CLDN15: variants seen among roughly 807,000 people sequenced by gnomAD.
The protein encoded by CLDN15 is claudin 15.
Under a neutral mutation model 24.5 loss-of-function variants are expected in CLDN15, and 9 were observed. The ratio of observed to expected loss-of-function variants is 0.37; its 90% CI spans 0.22 to 0.64. The LOEUF (loss-of-function observed/expected upper bound fraction) is 0.64. Among genes scored for constraint, CLDN15 ranks in the 30% least tolerant of loss-of-function variants. CLDN15 has a pLI of 0.63. For synonymous variants in CLDN15, 149 were observed against 131.4 expected, an observed-to-expected ratio of 1.13 and a Z score of -0.92; for missense variants, 248 against 305.9, an observed-to-expected ratio of 0.81 and a Z score of 1.41.
rs552485066 is a variant in CLDN15 at position 101,232,287 on chromosome 7, C to T, written c.*123G>A. On this transcript the variant is annotated 3_prime_UTR_variant, in exon 5 of 5. Coordinates refer to ENST00000308344, the MANE Select transcript of CLDN15 (RefSeq NM_014343.3). ...AGAGTGCAAGACACGGGGCCGTGGC[C>T]GGGGCGGGGCTACGGGAGCGGGGCG... 1.9e-4 allele frequency: 124 copies of T among 659,616 alleles called. No homozygotes were observed. The African/African-American group carries it at 2.0e-3, about 11-fold the overall frequency. The allele number at this position is 659,616 out of a possible 1,614,324, so 40.9% of individuals were successfully genotyped here. A position where few individuals can be genotyped will look rare whatever the true frequency, so the allele number is the denominator to read the frequency against.
Position 101,237,522 on chromosome 7 carries a change from C to T in CLDN15, c.60G>A (p.Leu20=). The part of the protein sequence containing the change: ...FFMATVGLLM[L]GVTLPNSYWR... ...AGTAGCTGTTTGGCAGAGTCACCCC[C>T]AGCATCAGCAGCCCCACAGTTGCCA... Residue 20 remains leucine (L), a synonymous_variant, in exon 1 of 5, where the codon CTG becomes CTA. Transcript: ENST00000308344. This position sits in a 1 kb window ranked among gnomAD's most constrained non-coding sequence, Gnocchi z 4.0. 6.2e-7 allele frequency: 1 copy of T among 1,614,216 alleles called. No homozygotes were observed. The highest frequency in any genetic ancestry group is 1.3e-5 in the African/African-American group (1 of 75,072).
intron 1 of CLDN15, among the ~76,000 whole-genome samples, chr7:101,236,273 C>T (rs955637874): frequency 1.3e-5 from 2 of 151,964 alleles, no homozygotes; most frequent in African/African-American, 2.4e-5. Flanking sequence ...GGGGGGGGCC[C>T]GCCGGCCCTG....
chr7:101,237,483 A>G lies in CLDN15; in HGVS notation c.99T>C (p.Thr33=), dbSNP rs764733795. ...TLPNSYWRVS[T]VHGNVITTNT... is the part of the protein sequence containing the mutation. ...TGGTGGTGATGACGTTCCCGTGCAC[A>G]GTGGACACTCGCCAGTAGCTGTTTG... Residue 33 remains threonine (T), a synonymous_variant, in exon 1 of 5, where the codon ACT becomes ACC. Coordinates refer to ENST00000308344, the MANE Select transcript of CLDN15 (RefSeq NM_014343.3). This position sits in a 1 kb window ranked among gnomAD's most constrained non-coding sequence, Gnocchi z 4.0. 1.2e-6 allele frequency: 2 copies of G among 1,614,100 alleles called. No homozygotes were observed. The highest frequency in any genetic ancestry group is 1.7e-6 in the Non-Finnish European group (2 of 1,179,938).
At chr7:101,233,764 ATTT>A (rs746861741) in intron 2 of CLDN15, 2,924 of 88,306 alleles carry the variant, frequency 0.033, 31 homozygotes, top group Middle Eastern at 0.043. Flanking sequence ...CGCCTGGCTA[ATTT>A]TTTTTTTTTT....
intron 2 of CLDN15, among the ~76,000 whole-genome samples, chr7:101,233,364 A>C (rs913196927): frequency 2.8e-4 from 43 of 151,710 alleles, no homozygotes; most frequent in Admixed American, 2.0e-3. Flanking sequence ...GCACCACCCT[A>C]CTCACTGGGG....
At position 101,232,306 on chromosome 7, in the gene CLDN15, C is replaced by T. The variant is rs1031824590; in HGVS notation, c.*104G>A. 3.3e-5 allele frequency: 25 copies of T among 754,196 alleles called. No homozygotes were observed. The Admixed American group carries it at 6.4e-4, about 19-fold the overall frequency. 46.7% of individuals were successfully genotyped at this position (754,196 alleles called of 1,614,324 possible). A position where few individuals can be genotyped will look rare whatever the true frequency, so the allele number is the denominator to read the frequency against. On this transcript the variant is annotated 3_prime_UTR_variant, in exon 5 of 5. Coordinates refer to ENST00000308344, the MANE Select transcript of CLDN15 (RefSeq NM_014343.3). The stretch of plus-strand genomic sequence containing the variant: ...CGTGGCCGGGGCGGGGCTACGGGAG[C>T]GGGGCGTGGCCGGCCCCTGAGGTTA...
At chr7:101,237,935 T>C, upstream of CLDN15, 1 of 333,728 alleles carries the variant, frequency 3.0e-6, no homozygotes, top group Middle Eastern at 1.0e-3. This position sits in a 1 kb window ranked among gnomAD's most constrained non-coding sequence, Gnocchi z 4.0. Context: ...GGGGCAGACT[T>C]ACCCTGGAGC....
chr7:101,236,628 C>A (rs112928619), intron 1 of CLDN15: 2 of 706,152 alleles, frequency 2.8e-6, no homozygotes, highest in Non-Finnish European at 4.1e-6. Flanking sequence ...CTCATCTTAG[C>A]GGGGAGCAGG....
chr7:101,234,067 A>C (rs949142803), intron 2 of CLDN15: 3 of 702,146 alleles, frequency 4.3e-6, no homozygotes, highest in Admixed American at 2.0e-5. Flanking sequence ...GCCAGCCCCT[A>C]CTGGGAGCTC....
chr7:101,234,215 G>A (rs1028969701), intron 2 of CLDN15, 63 bp downstream of exon 2: 1 of 1,316,230 alleles, frequency 7.6e-7, no homozygotes, highest in Non-Finnish European at 1.1e-6. Flanking sequence ...ATTAGATGAG[G>A]ACAAAGCAGC....
At position 101,237,759 on chromosome 7, in the gene CLDN15, T is replaced by G. The variant is rs1798660432; in HGVS notation, c.-178A>C. On this transcript the variant is annotated 5_prime_UTR_variant, in exon 1 of 5. Transcript: ENST00000308344. This position sits in a 1 kb window ranked among gnomAD's most constrained non-coding sequence, Gnocchi z 4.0. ...GGTCCGTCTCCACTTTCTGCCTCCC[T>G]CCTGCTCTGTGGGTCTCTCTGCTTC... 1.6e-6 allele frequency: 1 copy of G among 620,686 alleles called. No individual in the cohort carries two copies. Among genetic ancestry groups the G allele is most frequent in the African/African-American group, 1.8e-5 (1 of 54,614 alleles). The allele number at this position is 620,686 out of a possible 1,614,324, so 38.4% of individuals were successfully genotyped here. A position where few individuals can be genotyped will look rare whatever the true frequency, so the allele number is the denominator to read the frequency against.
chr7:101,237,920 T>G (rs1012363607), upstream of CLDN15: 2 of 352,114 alleles, frequency 5.7e-6, no homozygotes, highest in South Asian at 2.6e-5. The surrounding 1 kb of genome is among the most constrained non-coding windows in gnomAD (Gnocchi z 4.0). Context: ...CCCACGAGGG[T>G]GGGGGGGGCA....
In CLDN15 at chr7:101,232,609, G is replaced by T; in HGVS notation, c.576C>A (p.Ala192=). ...ACCCGSDEDP[A]ASARRPYQAP... is the part of the protein sequence containing the mutation. The stretch of plus-strand genomic sequence containing the variant: ...CTGCGCCTCACCCTGCTCACCTGGC[G>T]GCTGGGTCCTCGTCAGAGCCGCAGC... Residue 192 remains alanine (A), a synonymous_variant, in exon 4 of 5, where the codon GCC becomes GCA. Coordinates refer to ENST00000308344, the MANE Select transcript of CLDN15 (RefSeq NM_014343.3). 6.3e-7 allele frequency: 1 copy of T among 1,592,836 alleles called. No homozygotes were observed. Among genetic ancestry groups the T allele is most frequent in the Admixed American group, 1.8e-5 (1 of 55,854 alleles).
rs915517375 is a variant in CLDN15, at chr7:101,232,672, G to A, written c.513C>T (p.Ile171=). The part of the protein sequence containing the change: ...ALYLGWSASL[I]SILGGLCLCS... Reference sequence around the variant, plus strand: ...AGAGGCAGAGGCCACCCAGGATGGAGATCAGTGAGGCGCTCCACCCCAGGT... The same window carrying A: ...AGAGGCAGAGGCCACCCAGGATGGAAATCAGTGAGGCGCTCCACCCCAGGT... Residue 171 remains isoleucine, a synonymous_variant, in exon 4 of 5, where the codon ATC becomes ATT. Transcript: ENST00000308344. 1.1e-5 allele frequency: 18 copies of A among 1,592,162 alleles called. No homozygotes were observed. Among genetic ancestry groups the A allele is most frequent in the East Asian group, 6.8e-5 (3 of 43,950 alleles).
Position 101,232,322 on chromosome 7 carries a change from C to G in CLDN15, c.*88G>C, listed in dbSNP as rs1019042841. ...CTACGGGAGCGGGGCGTGGCCGGCC[C>G]CTGAGGTTACTATAGGGGAATGGGC... On this transcript the variant is annotated 3_prime_UTR_variant, in exon 5 of 5. Coordinates refer to ENST00000308344, the MANE Select transcript of CLDN15 (RefSeq NM_014343.3). The G allele has an allele frequency of 7.7e-5, 73 of 952,276 alleles. No homozygotes were observed. The Middle Eastern group carries it at 2.0e-3, about 26-fold the overall frequency. 59.0% of individuals were successfully genotyped at this position (952,276 alleles called of 1,614,324 possible).
rs551222958 is a variant in CLDN15, at chr7:101,234,243, G to A, written c.382+35C>T. 8.4e-6 allele frequency: 13 copies of A among 1,551,886 alleles called. No individual in the cohort carries two copies. In the East Asian group the frequency reaches 1.3e-4, roughly 16 times the overall value. On this transcript the variant is annotated intron_variant, in intron 2 of 4. Transcript: ENST00000308344. ...AAAGCAGCCTGAAGTCTGCGGTTGA[G>A]GGGGACCCCCGCCCCATCACCTTCC...
At chr7:101,232,944 T>C in intron 2 of CLDN15, 30 bp from the exon 3 acceptor site, 1 of 1,217,532 alleles carries the variant, frequency 8.2e-7, no homozygotes, top group Non-Finnish European at 1.2e-6. Flanking sequence ...CCCAGTCCAG[T>C]CCAGGGGGAG....
At chr7:101,233,610 ATTT>A (rs34812545) in intron 2 of CLDN15, among the ~76,000 whole-genome samples, 1 of 148,994 alleles carries the variant, frequency 6.7e-6, no homozygotes, top group Non-Finnish European at 1.5e-5. Flanking sequence ...TGCCTTGGCC[ATTT>A]TTTTTTTGAC....
Position 101,237,268 on chromosome 7 carries a change from AGGGCT to A in CLDN15, c.217+92_217+96del. 1.2e-6 allele frequency: 1 copy of A among 827,044 alleles called. No homozygotes were observed. The highest frequency in any genetic ancestry group is 2.0e-6 in the Non-Finnish European group (1 of 493,084). 51.2% of individuals were successfully genotyped at this position (827,044 alleles called of 1,614,324 possible). A position where few individuals can be genotyped will look rare whatever the true frequency, so the allele number is the denominator to read the frequency against. On this transcript the variant is annotated intron_variant, in intron 1 of 4. Coordinates refer to ENST00000308344, the MANE Select transcript of CLDN15 (RefSeq NM_014343.3). The surrounding 1 kb of genome is among the most constrained non-coding windows in gnomAD (Gnocchi z 4.0). ...AACTCAGACCCGCAGAGCTTAATTC[AGGGCT>A]CCCTGCATCCTCACGGAAGTACCCG...
Sources: gnomAD v4.1 joint callset for allele counts (sites outside exome capture counted in the v4.1 genomes callset) on GRCh38, gnomAD v4.1.1 for gene constraint, Gnocchi (gnomAD v3.1) non-coding constraint, MANE v1.5 for transcripts, NCBI Gene and HGNC (gene_info 2026-07-23, HGNC 2026-07-21) for gene names.